The following QPRT variants were observed in gnomAD, a reference collection of about 807,000 sequenced individuals.
QPRT encodes nicotinate-nucleotide pyrophosphorylase [carboxylating].
QPRT carries 17 observed loss-of-function variants against 19.8 expected under a neutral mutation model. The ratio of observed to expected loss-of-function variants is 0.86; its 90% CI spans 0.59 to 1.29. The LOEUF (loss-of-function observed/expected upper bound fraction) is 1.29. Among genes scored for constraint, QPRT ranks in the 50% most tolerant of loss-of-function variants. The pLI, the probability that QPRT is intolerant of heterozygous loss-of-function variation, is 0.00. For missense variants in QPRT, 336 were observed against 405.1 expected, an observed-to-expected ratio of 0.83 and a Z score of 1.46; for synonymous variants, 178 against 191.0, an observed-to-expected ratio of 0.93 and a Z score of 0.56.
At chr16:29,682,304 G>T (rs939745506) in intron 1 of QPRT, among the ~76,000 whole-genome samples, 1 of 151,608 alleles carries the variant, frequency 6.6e-6, no homozygotes, top group African/African-American at 2.4e-5. Flanking sequence ...TCCCAAAAGT[G>T]TTGGGATTAC....
chr16:29,686,662 A>T (rs866433576), intron 1 of QPRT, among the ~76,000 whole-genome samples: 24 of 151,510 alleles, frequency 1.6e-4, no homozygotes, highest in African/African-American at 4.9e-4. Context: ...TATTTTTTTA[A>T]TTTTTTTTAT....
intron 1 of QPRT, among the ~76,000 whole-genome samples, chr16:29,689,654 C>T (rs1369340361): frequency 1.3e-5 from 2 of 152,122 alleles, no homozygotes; most frequent in Non-Finnish European, 2.9e-5. Context: ...GACCCGAAAT[C>T]AGGCCTGGGC....
At chr16:29,679,642 T>C (rs575879983) in intron 1 of QPRT, among the ~76,000 whole-genome samples, 1 of 152,138 alleles carries the variant, frequency 6.6e-6, no homozygotes, top group African/African-American at 2.4e-5. Context: ...CGTGATTCCC[T>C]GCCTGGAGGG....
rs1213633155 is a variant in QPRT, at chr16:29,697,212, C to T, written c.695C>T (p.Thr232Met). 1.9e-6 allele frequency: 3 copies of T among 1,610,386 alleles called. No individual in the cohort carries two copies. Reference protein sequence around the residue: ...DNFKPEELHPTATVLKAQFPS... With the variant: ...DNFKPEELHPMATVLKAQFPS... ...TGTGTCCCGCAGGAGCTGCACCCCACGGCCACCGTGCTGAAGGCCCAGTTC... is the reference window on the plus strand; with the variant it reads ...TGTGTCCCGCAGGAGCTGCACCCCATGGCCACCGTGCTGAAGGCCCAGTTC... The change falls in exon 4 of 4, where the codon ACG becomes ATG. Residue 232 changes from threonine to methionine, a missense_variant. Thr to Met is a moderately conservative substitution (Grantham distance 81). Transcript: ENST00000395384. This position sits in a 1 kb window ranked among gnomAD's most constrained non-coding sequence, Gnocchi z 4.4.
chr16:29,685,661 G>T (rs1447759516), intron 1 of QPRT, among the ~76,000 whole-genome samples: 1 of 151,934 alleles, frequency 6.6e-6, no homozygotes, highest in East Asian at 1.9e-4. Context: ...TGGCTGAAGT[G>T]ACCCTTCTGG....
Position 29,694,588 on chromosome 16 carries a change from T to G in QPRT, c.14-76T>G, listed in dbSNP as rs1376121366. ...TGGGCCAGTTCCCAGTTTCACTGGT[T>G]GTTAAATATTTTGACAGTGACCCCT... On this transcript the variant is annotated intron_variant, in intron 1 of 3. Coordinates refer to ENST00000395384, the MANE Select transcript of QPRT (RefSeq NM_014298.6). 21 of 1,445,180 alleles carry G rather than the reference T, an allele frequency of 1.5e-5. 1 individual carries two copies. The Middle Eastern group carries it at 5.8e-4, about 40-fold the overall frequency. 89.5% of individuals were successfully genotyped at this position (1,445,180 alleles called of 1,614,324 possible). A position where few individuals can be genotyped will look rare whatever the true frequency, so the allele number is the denominator to read the frequency against.
intron 1 of QPRT, among the ~76,000 whole-genome samples, chr16:29,694,257 T>C (rs1967442866): frequency 6.6e-6 from 1 of 152,038 alleles, no homozygotes; most frequent in South Asian, 2.1e-4. Flanking sequence ...TCGCTGGGAC[T>C]ACAGGCGCCC....
intron 1 of QPRT, among the ~76,000 whole-genome samples, chr16:29,684,348 A>T (rs1430778558): frequency 6.6e-6 from 1 of 151,470 alleles, no homozygotes; most frequent in Non-Finnish European, 1.5e-5. Flanking sequence ...CAGGCTGGAG[A>T]GCAATGGCAC....
chr16:29,689,317 A>G (rs148688937), intron 1 of QPRT, among the ~76,000 whole-genome samples: 194 of 149,406 alleles, frequency 1.3e-3, no homozygotes, highest in Non-Finnish European at 1.9e-3. Context: ...CTGGTCTTGA[A>G]CTCCTGACCT....
intron 1 of QPRT, among the ~76,000 whole-genome samples, chr16:29,683,488 T>A (rs573023166): frequency 2.0e-5 from 3 of 152,060 alleles, no homozygotes; most frequent in African/African-American, 7.2e-5. Context: ...TCTGAATAGC[T>A]AGGACTACAG....
rs1316299096 is a variant in QPRT at position 29,698,676 on chromosome 16, C to T, written c.*1265C>T. The T allele has an allele frequency of 6.6e-6, 1 of 152,148 alleles. No homozygotes were observed. Among genetic ancestry groups the T allele is most frequent in the Non-Finnish European group, 1.5e-5 (1 of 68,036 alleles). The allele number at this position is 152,148 out of a possible 1,614,324, so 9.4% of individuals were successfully genotyped here. A position where few individuals can be genotyped will look rare whatever the true frequency, so the allele number is the denominator to read the frequency against. On this transcript the variant is annotated 3_prime_UTR_variant, in exon 4 of 4. Coordinates refer to ENST00000395384, the MANE Select transcript of QPRT (RefSeq NM_014298.6). ...ATGCAAGTCTGCCAATGCTCCTGGC[C>T]AAATAAACCTCTTCCTTCTTTAATC...
intron 1 of QPRT, among the ~76,000 whole-genome samples, chr16:29,684,802 C>T (rs748950668): frequency 1.6e-4 from 24 of 152,328 alleles, no homozygotes; most frequent in Middle Eastern, 3.4e-3. Context: ...CACCAGGCCA[C>T]GATTCAGGAA....
chr16:29,694,357 G>A (rs899612122), intron 1 of QPRT, among the ~76,000 whole-genome samples: 1 of 151,572 alleles, frequency 6.6e-6, no homozygotes, highest in Non-Finnish European at 1.5e-5. Flanking sequence ...CTGACCTCGT[G>A]ATCCGCCCGC....
intron 1 of QPRT, among the ~76,000 whole-genome samples, chr16:29,679,526 C>T (rs1451780816): frequency 6.6e-6 from 1 of 151,712 alleles, no homozygotes; most frequent in Admixed American, 6.6e-5. Flanking sequence ...AAGTGGGAGG[C>T]TGGTTGGGGG....
intron 1 of QPRT, among the ~76,000 whole-genome samples, chr16:29,690,101 C>G (rs764791398): frequency 2.6e-5 from 4 of 151,904 alleles, no homozygotes; most frequent in Non-Finnish European, 5.9e-5. Flanking sequence ...TCATTTAGCT[C>G]CCACTTATAA....
At chr16:29,682,220 T>A (rs964071963) in intron 1 of QPRT, among the ~76,000 whole-genome samples, 9 of 151,394 alleles carry the variant, frequency 5.9e-5, no homozygotes, top group Non-Finnish European at 1.2e-4. Context: ...TTTTTTTTTT[T>A]AGAGATGGGT....
intron 1 of QPRT, among the ~76,000 whole-genome samples, chr16:29,684,169 G>T (rs374934832): frequency 1.3e-4 from 20 of 152,188 alleles, no homozygotes; most frequent in East Asian, 9.6e-4. Context: ...ACCCAGGCTG[G>T]AGTGCAGTGG....
At chr16:29,687,473 G>A (rs951724855) in intron 1 of QPRT, among the ~76,000 whole-genome samples, 14 of 152,220 alleles carry the variant, frequency 9.2e-5, no homozygotes, top group African/African-American at 3.4e-4. Context: ...TCTGCCACTT[G>A]TCACTAAGTG....
At chr16:29,684,000 C>A (rs886613267) in intron 1 of QPRT, among the ~76,000 whole-genome samples, 5 of 152,162 alleles carry the variant, frequency 3.3e-5, no homozygotes, top group African/African-American at 1.2e-4. Context: ...AGTGCAGAGC[C>A]CCATCCTCAG....
Sources: allele counts gnomAD v4.1 joint callset (sites outside exome capture counted in the v4.1 genomes callset), GRCh38; gene constraint gnomAD v4.1.1; non-coding constraint Gnocchi (gnomAD v3.1); transcripts MANE v1.5; gene names NCBI Gene and HGNC (gene_info 2026-07-23, HGNC 2026-07-21).